The following PRKCB variants were observed in gnomAD, a reference collection of about 807,000 sequenced individuals.
The protein encoded by PRKCB is protein kinase C beta type.
In PRKCB, 13 loss-of-function variants were observed where a neutral mutation model predicts 81.5. That is an observed-to-expected ratio of 0.16 (90% CI 0.10 to 0.25). The LOEUF is 0.25. PRKCB is among the 10% of genes least tolerant of loss of function. The pLI is 1.00. For synonymous variants in PRKCB, 335 were observed against 321.4 expected, an observed-to-expected ratio of 1.04 and a Z score of -0.45; for missense variants, 509 against 875.7, an observed-to-expected ratio of 0.58 and a Z score of 5.29.
intron 5 of PRKCB, among the ~76,000 whole-genome samples, chr16:24,067,443 A>G (rs1966050749): frequency 6.6e-6 from 1 of 151,736 alleles, no homozygotes; most frequent in South Asian, 2.1e-4. Context: ...GGGACTATAG[A>G]TGTGTATCAC....
intron 2 of PRKCB, among the ~76,000 whole-genome samples, chr16:23,982,042 TC>T (rs1301176075): frequency 5.3e-5 from 6 of 114,016 alleles, no homozygotes; most frequent in African/African-American, 1.7e-4. Flanking sequence ...CCCTTCACCT[TC>T]CCCTTCCCTT....
intron 15 of PRKCB, 116 bp downstream of exon 15, chr16:24,185,683 C>T: frequency 1.2e-6 from 1 of 815,376 alleles, no homozygotes; most frequent in Non-Finnish European, 2.0e-6. Flanking sequence ...CCCTTCACTC[C>T]ATTTGCCAAT....
intron 2 of PRKCB, among the ~76,000 whole-genome samples, chr16:23,902,728 T>TCCCTCCCTCCCTCCCTC (rs1963493847): frequency 3.9e-4 from 8 of 20,362 alleles, no homozygotes; most frequent in African/African-American, 4.8e-4. Context: ...CTCCCTCCCT[T>TCCCTCCCTCCCTCCCTC]CCTCCCTTCC....
At chr16:24,162,442 CTT>C (rs564543744) in intron 10 of PRKCB, among the ~76,000 whole-genome samples, 1,851 of 68,452 alleles carry the variant, frequency 0.027, 20 homozygotes, top group African/African-American at 0.093. Flanking sequence ...ACAGAGAAGA[CTT>C]TTTTTTTTTT....
chr16:24,006,848 G>A (rs1383948559), intron 3 of PRKCB, among the ~76,000 whole-genome samples: 1 of 150,880 alleles, frequency 6.6e-6, no homozygotes, highest in African/African-American at 2.5e-5. Context: ...GGGTGGGGAG[G>A]GGGAAGAAGG....
intron 2 of PRKCB, among the ~76,000 whole-genome samples, chr16:23,879,714 G>A (rs868663262): frequency 1.3e-5 from 2 of 151,968 alleles, no homozygotes; most frequent in Admixed American, 6.5e-5. Flanking sequence ...GGCTGGTCTC[G>A]AGCTCCTGAC....
chr16:23,854,344 C>G (rs912531432), intron 2 of PRKCB, among the ~76,000 whole-genome samples: 1 of 152,154 alleles, frequency 6.6e-6, no homozygotes, highest in Non-Finnish European at 1.5e-5. Flanking sequence ...AGCACATAAC[C>G]TCAAGGCTTA....
rs1374608161 is a variant in PRKCB, at chr16:23,925,324, C to A, written c.206-63184C>A. Reference sequence around the variant, plus strand: ...ATCTTAGTGGATCACTCCTCTCTCCCTTTTCATTCTGCAGGACTTGCCCAT... The same window carrying A: ...ATCTTAGTGGATCACTCCTCTCTCCATTTTCATTCTGCAGGACTTGCCCAT... On this transcript the variant is annotated intron_variant, in intron 2 of 16. Coordinates refer to ENST00000643927, the MANE Select transcript of PRKCB (RefSeq NM_002738.7). Among the ~76,000 whole-genome samples the A allele has an allele frequency of 3.3e-5, 5 of 152,130 alleles. 1 individual carries two copies. The highest frequency in any genetic ancestry group is 7.4e-5 in the Non-Finnish European group (5 of 68,000).
chr16:23,841,876 G>A lies in PRKCB; in HGVS notation c.205+4470G>A, dbSNP rs1165343018. Reference sequence around the variant, plus strand: ...TCGCCACGTTGGTTAGGCTGGTCTCGAACTCCTGACCTCAGGTGATCTGCC... The same window carrying A: ...TCGCCACGTTGGTTAGGCTGGTCTCAAACTCCTGACCTCAGGTGATCTGCC... On this transcript the variant is annotated intron_variant, in intron 2 of 16. Coordinates refer to ENST00000643927, the MANE Select transcript of PRKCB (RefSeq NM_002738.7). 5.9e-5 allele frequency among the ~76,000 whole-genome samples: 9 copies of A among 151,754 alleles called. 1 individual carries two copies. Among genetic ancestry groups the A allele is most frequent in the Non-Finnish European group, 7.4e-5 (5 of 67,952 alleles).
intron 5 of PRKCB, among the ~76,000 whole-genome samples, chr16:24,036,075 T>G (rs1965614147): frequency 6.6e-6 from 1 of 152,174 alleles, no homozygotes; most frequent in Non-Finnish European, 1.5e-5. Context: ...TTTGAAATAT[T>G]TCTTTCTTGA....
intron 5 of PRKCB, among the ~76,000 whole-genome samples, chr16:24,086,178 T>C (rs1456268611): frequency 1.3e-5 from 2 of 152,116 alleles, no homozygotes; most frequent in African/African-American, 4.8e-5. Context: ...CCCCCAGGGT[T>C]AGAAGAAGTA....
At chr16:23,982,163 T>C (rs1317823103) in intron 2 of PRKCB, among the ~76,000 whole-genome samples, 11 of 27,262 alleles carry the variant, frequency 4.0e-4, no homozygotes, top group East Asian at 1.2e-3. Flanking sequence ...TCCCCTTCCC[T>C]TTCCCTTCCC....
intron 16 of PRKCB, 123 bp downstream of exon 16, chr16:24,191,353 A>C (rs768354532): frequency 2.8e-6 from 3 of 1,086,662 alleles, no homozygotes. Context: ...ACATGGGTGT[A>C]TGTATTCACA....
intron 10 of PRKCB, among the ~76,000 whole-genome samples, chr16:24,156,447 G>A (rs1967158796): frequency 6.6e-6 from 1 of 151,996 alleles, no homozygotes; most frequent in African/African-American, 2.4e-5. Context: ...GCTAATTTTT[G>A]AACTTTTAGT....
chr16:23,841,094 A>T (rs2188359), intron 2 of PRKCB, among the ~76,000 whole-genome samples: 145,281 of 152,192 alleles, frequency 0.95, 69,370 homozygotes, highest in East Asian at 1. Flanking sequence ...TTATTTATTT[A>T]TTGAGACAGA....
chr16:23,976,454 C>T (rs749007268), intron 2 of PRKCB, among the ~76,000 whole-genome samples: 53 of 152,298 alleles, frequency 3.5e-4, no homozygotes, highest in Non-Finnish European at 6.5e-4. Context: ...GAGTCACACG[C>T]CCATGCCTGA....
In PRKCB at chr16:24,071,088, C is replaced by T. The variant is rs77051040; in HGVS notation, c.530-21703C>T. Among the ~76,000 whole-genome samples the T allele has an allele frequency of 1.1e-3, 166 of 152,230 alleles. 1 individual carries two copies. In the East Asian group the frequency reaches 0.027, roughly 25 times the overall value. ...TGAAGAGGGAGCTCAAAGCCCCCCT[C>T]CACTCCAGGGCTGATGTGAGGATGT... On this transcript the variant is annotated intron_variant, in intron 5 of 16. Coordinates refer to ENST00000643927, the MANE Select transcript of PRKCB (RefSeq NM_002738.7).
chr16:23,880,911 G>A (rs923779244), intron 2 of PRKCB, among the ~76,000 whole-genome samples: 2 of 151,970 alleles, frequency 1.3e-5, no homozygotes, highest in African/African-American at 4.8e-5. Flanking sequence ...CACATTTTAC[G>A]ATCTTTTTTT....
chr16:24,084,278 A>G (rs1966287140), intron 5 of PRKCB, among the ~76,000 whole-genome samples: 1 of 152,200 alleles, frequency 6.6e-6, no homozygotes, highest in Non-Finnish European at 1.5e-5. Flanking sequence ...CTGTATTCAA[A>G]GTAGAGTTCA....
Sources: gnomAD v4.1 joint callset for allele counts (sites outside exome capture counted in the v4.1 genomes callset) on GRCh38, gnomAD v4.1.1 for gene constraint, MANE v1.5 for transcripts, NCBI Gene and HGNC (gene_info 2026-07-23, HGNC 2026-07-21) for gene names.